Variants in RPS6KA2 observed in about 807,000 individuals in gnomAD.
RPS6KA2 encodes the protein ribosomal protein S6 kinase A2.
RPS6KA2 carries 42 observed loss-of-function variants against 91.8 expected under a neutral mutation model. The observed-to-expected ratio is 0.46, with a 90% CI of 0.36 to 0.59. The LOEUF (loss-of-function observed/expected upper bound fraction) is 0.59. Among genes scored for constraint, RPS6KA2 ranks in the 20% least tolerant of loss-of-function variants. The pLI is 0.00. For missense variants in RPS6KA2, 798 were observed against 978.5 expected, an observed-to-expected ratio of 0.82 and a Z score of 2.46; for synonymous variants, 414 against 393.6, an observed-to-expected ratio of 1.05 and a Z score of -0.61.
At chr6:166,846,839 A>T (rs925138171) in intron 2 of RPS6KA2, among the ~76,000 whole-genome samples, 20 of 152,198 alleles carry the variant, frequency 1.3e-4, no homozygotes, top group African/African-American at 4.1e-4. Context: ...TATTCAACAT[A>T]GTACTGGAAG....
At chr6:166,680,927 C>T (rs1313763882) in intron 2 of RPS6KA2, among the ~76,000 whole-genome samples, 2 of 152,188 alleles carry the variant, frequency 1.3e-5, no homozygotes, top group Non-Finnish European at 2.9e-5. Flanking sequence ...CCTTGCTGCC[C>T]CTCTCCTCCC....
At chr6:166,480,347 C>G (rs1015151820) in intron 10 of RPS6KA2, among the ~76,000 whole-genome samples, 1 of 151,584 alleles carries the variant, frequency 6.6e-6, no homozygotes, top group African/African-American at 2.4e-5. Context: ...AAAACATTCA[C>G]GGAAAGCAAC....
chr6:166,693,992 T>C (rs567443924), intron 2 of RPS6KA2, among the ~76,000 whole-genome samples: 11 of 152,362 alleles, frequency 7.2e-5, no homozygotes, highest in Admixed American at 1.3e-4. Flanking sequence ...TTCTGTTAAA[T>C]GACAAAATTG....
At chr6:166,497,686 G>T (rs369723220) in intron 8 of RPS6KA2, among the ~76,000 whole-genome samples, 1 of 152,232 alleles carries the variant, frequency 6.6e-6, no homozygotes, top group Non-Finnish European at 1.5e-5. Flanking sequence ...CCCTAGCAAG[G>T]GGACGAGGAG....
chr6:166,439,053 T>C (rs901821081), intron 14 of RPS6KA2, among the ~76,000 whole-genome samples: 1 of 152,222 alleles, frequency 6.6e-6, no homozygotes, highest in African/African-American at 2.4e-5. Flanking sequence ...TTTAAAAATT[T>C]GAATTTGAAG....
intron 2 of RPS6KA2, among the ~76,000 whole-genome samples, chr6:166,813,080 C>T (rs73788151): frequency 0.016 from 2,377 of 152,238 alleles, 43 homozygotes; most frequent in African/African-American, 0.052. Context: ...GGTTGAGAGG[C>T]ACTGCTTCTC....
At chr6:166,450,509 CCACCAGAGGGACCACCCCAGGGAA>C (rs1452525297) in intron 13 of RPS6KA2, among the ~76,000 whole-genome samples, 25 of 148,644 alleles carry the variant, frequency 1.7e-4, no homozygotes, top group Admixed American at 5.3e-4. Context: ...ACCATGGGGA[CCACCAGAGGGACCACCCCAGGGAA>C]CACCATGGGG....
Position 166,852,351 on chromosome 6 carries a change from C to T in RPS6KA2, c.123+5849G>A, listed in dbSNP as rs73270771. On this transcript the variant is annotated intron_variant, in intron 2 of 21. Transcript: ENST00000503859. The surrounding 1 kb of genome is among the most constrained non-coding windows in gnomAD (Gnocchi z 4.1). Reference sequence around the variant, plus strand: ...TCTTGTAAACAGTAATTGCATTGCTCTTAATTGCTTCATTAGTGCCTGGGC... The same window carrying T: ...TCTTGTAAACAGTAATTGCATTGCTTTTAATTGCTTCATTAGTGCCTGGGC... Among the ~76,000 whole-genome samples the T allele has an allele frequency of 8.3e-3, 1,271 of 152,300 alleles. 18 individuals carry two copies. Among genetic ancestry groups the T allele is most frequent in the African/African-American group, 0.029 (1,207 of 41,564 alleles).
In RPS6KA2 at chr6:166,490,706, C is replaced by T. The variant is rs766456537; in HGVS notation, c.783G>A (p.Gly261=). Residue 261 remains glycine, a synonymous_variant, in exon 9 of 21, where the codon GGG becomes GGA. Coordinates refer to ENST00000265678, the MANE Select transcript of RPS6KA2 (RefSeq NM_021135.6). This position sits in a 1 kb window ranked among gnomAD's most constrained non-coding sequence, Gnocchi z 4.2. ...EMLTGSLPFQ[G]KDRKETMALI... ...GAGCCATGGTCTCCTTCCTGTCCTT[C>T]CCCTGGAACGGCAGGGACCCCGTGA... 1.2e-6 allele frequency: 2 copies of T among 1,612,956 alleles called. No individual in the cohort carries two copies. The highest frequency in any genetic ancestry group is 1.3e-5 in the African/African-American group (1 of 75,024).
chr6:166,457,233 T>G (rs578244216), intron 12 of RPS6KA2, among the ~76,000 whole-genome samples: 146 of 152,334 alleles, frequency 9.6e-4, no homozygotes, highest in Middle Eastern at 6.8e-3. Context: ...TGAGCTCCTT[T>G]TACATTCAGG....
At chr6:166,741,751 A>G (rs937304710) in intron 2 of RPS6KA2, among the ~76,000 whole-genome samples, 3 of 152,112 alleles carry the variant, frequency 2.0e-5, no homozygotes, top group South Asian at 2.1e-4. Context: ...ACCCCAGAAA[A>G]TTGCTCTCCT....
rs141525518 is a variant in RPS6KA2, at chr6:166,500,706, C to T, written c.604+181G>A. Among the ~76,000 whole-genome samples, 1 of 152,136 alleles carries T rather than the reference C, an allele frequency of 6.6e-6. No individual in the cohort carries two copies. The highest frequency in any genetic ancestry group is 1.9e-4 in the East Asian group (1 of 5,178). On this transcript the variant is annotated intron_variant, in intron 7 of 20. Transcript: ENST00000265678. The surrounding 1 kb of genome is among the most constrained non-coding windows in gnomAD (Gnocchi z 4.3). ...CACCGGGAAGCTGCATGGGTCTGGACGTTATGAAGACATACAATGCCATAA... is the reference window on the plus strand; with the variant it reads ...CACCGGGAAGCTGCATGGGTCTGGATGTTATGAAGACATACAATGCCATAA...
rs148684106 is a variant in RPS6KA2, at chr6:166,512,577, C to T, written c.299-2220G>A. Among the ~76,000 whole-genome samples, 700 of 152,338 alleles carry T rather than the reference C, an allele frequency of 4.6e-3. 6 individuals carry two copies. Among genetic ancestry groups the T allele is most frequent in the African/African-American group, 0.016 (676 of 41,568 alleles). On this transcript the variant is annotated intron_variant, in intron 3 of 20. Transcript: ENST00000265678. ...TAGGATTCAGGCTGTCTGAAGTCCA[C>T]CTTTGTCTTTGGTGTTGGGACAGTT...
At chr6:166,446,308 A>G (rs1779677544) in intron 14 of RPS6KA2, among the ~76,000 whole-genome samples, 1 of 152,210 alleles carries the variant, frequency 6.6e-6, no homozygotes, top group Non-Finnish European at 1.5e-5. Context: ...CTCTCTAAAA[A>G]GTCCCGGGCC....
chr6:166,493,832 C>T lies in RPS6KA2; in HGVS notation c.748-3091G>A, dbSNP rs943157732. Among the ~76,000 whole-genome samples, 1 of 152,142 alleles carries T rather than the reference C, an allele frequency of 6.6e-6. No individual in the cohort carries two copies. Among genetic ancestry groups the T allele is most frequent in the Non-Finnish European group, 1.5e-5 (1 of 68,024 alleles). On this transcript the variant is annotated intron_variant, in intron 8 of 20. Coordinates refer to ENST00000265678, the MANE Select transcript of RPS6KA2 (RefSeq NM_021135.6). This position sits in a 1 kb window ranked among gnomAD's most constrained non-coding sequence, Gnocchi z 4.7. Reference sequence around the variant, plus strand: ...GCTAAACATCCTATGACACACAGGGCGCCCCACAACAAGGAAGTGTCCAGT... The same window carrying T: ...GCTAAACATCCTATGACACACAGGGTGCCCCACAACAAGGAAGTGTCCAGT...
rs1788277075 is a variant in RPS6KA2, at chr6:166,665,074, A to G, written c.124-126290T>C. On this transcript the variant is annotated intron_variant, in intron 2 of 21. Coordinates refer to the RPS6KA2 transcript ENST00000503859. This position sits in a 1 kb window ranked among gnomAD's most constrained non-coding sequence, Gnocchi z 4.5. Reference sequence around the variant, plus strand: ...AACCTGGGCAAAATAGTGAGACCCCATCTCTACAAAAAATAAAATTAGCCA... The same window carrying G: ...AACCTGGGCAAAATAGTGAGACCCCGTCTCTACAAAAAATAAAATTAGCCA... Among the ~76,000 whole-genome samples the G allele has an allele frequency of 6.6e-6, 1 of 152,160 alleles. No individual in the cohort carries two copies. Among genetic ancestry groups the G allele is most frequent in the African/African-American group, 2.4e-5 (1 of 41,432 alleles).
chr6:166,621,276 T>C (rs565820935), intron 1 of RPS6KA2, among the ~76,000 whole-genome samples: 1 of 152,230 alleles, frequency 6.6e-6, no homozygotes, highest in Admixed American at 6.5e-5. Flanking sequence ...CCTAGGTGTA[T>C]GGTTACGCAC....
At chr6:166,608,643 C>T (rs1583322351) in intron 1 of RPS6KA2, among the ~76,000 whole-genome samples, 1 of 152,170 alleles carries the variant, frequency 6.6e-6, no homozygotes, top group Non-Finnish European at 1.5e-5. Context: ...CAGATGCAGG[C>T]AACATTCAGT....
intron 2 of RPS6KA2, among the ~76,000 whole-genome samples, chr6:166,802,203 GAGATTGC>G (rs1779383796): frequency 6.6e-6 from 1 of 151,638 alleles, no homozygotes; most frequent in Admixed American, 6.6e-5. Flanking sequence ...CTGGGAGGTG[GAGATTGC>G]AGTGAGCTGA....
Sources: gnomAD v4.1 joint callset for allele counts (sites outside exome capture counted in the v4.1 genomes callset) on GRCh38, gnomAD v4.1.1 for gene constraint, Gnocchi (gnomAD v3.1) non-coding constraint, MANE v1.5 for transcripts, NCBI Gene and HGNC (gene_info 2026-07-23, HGNC 2026-07-21) for gene names.